The following PDIA6 variants were observed in gnomAD, a reference collection of about 807,000 sequenced individuals.
PDIA6 encodes the protein protein disulfide isomerase family A member 6.
A neutral mutation model predicts 58.4 loss-of-function variants in PDIA6; 29 were observed. That is an observed-to-expected ratio of 0.50 (90% CI 0.37 to 0.68). PDIA6 has a LOEUF of 0.68. PDIA6 is among the 30% of genes least tolerant of loss of function. The pLI, the probability that PDIA6 is intolerant of heterozygous loss-of-function variation, is 0.00. For synonymous variants in PDIA6, 192 were observed against 202.6 expected (o/e 0.95, Z 0.44); for missense variants, 480 against 551.0 (o/e 0.87, Z 1.29).
Position 10,783,479 on chromosome 2 carries a change from T to TGAATGTTTTACATAAATGC in PDIA6, c.*760_*778dup, listed in dbSNP as rs1239092485. 3 of 468,920 alleles carry TGAATGTTTTACATAAATGC rather than the reference T, an allele frequency of 6.4e-6. No homozygotes were observed. The highest frequency in any genetic ancestry group is 5.9e-5 in the African/African-American group (3 of 50,432). 29.0% of individuals were successfully genotyped at this position (468,920 alleles called of 1,614,324 possible). ...CCAACAAATTCAAAACTTCATTTTC[T>TGAATGTTTTACATAAATGC]GAATGTTTTACATAAATGCGAACTA... is the stretch of plus-strand genomic sequence containing the variant. On this transcript the variant is annotated 3_prime_UTR_variant, in exon 13 of 13. Transcript: ENST00000272227.
chr2:10,821,770 A>G (rs1686496), intron 1 of PDIA6, among the ~76,000 whole-genome samples: 92,464 of 151,382 alleles, frequency 0.61, 28,703 homozygotes, highest in East Asian at 0.8. Context: ...GACCACAGGC[A>G]CATGCTGCTA....
At position 10,784,911 on chromosome 2, in the gene PDIA6, C is replaced by G. The variant is rs750813976; in HGVS notation, c.1254+23G>C. 5.0e-5 allele frequency: 75 copies of G among 1,503,010 alleles called. 1 individual carries two copies. In the Middle Eastern group the frequency reaches 8.5e-4, roughly 17 times the overall value. 93.1% of individuals were successfully genotyped at this position (1,503,010 alleles called of 1,614,324 possible). ...GAGTAAACCAGGACTGCTGCCCGCACAGCTTCCCTCCCGGGCACTCACCTC... is the reference window on the plus strand; with the variant it reads ...GAGTAAACCAGGACTGCTGCCCGCAGAGCTTCCCTCCCGGGCACTCACCTC... On this transcript the variant is annotated intron_variant, in intron 12 of 12. Transcript: ENST00000272227.
chr2:10,794,875 C>T (rs1390418239), intron 4 of PDIA6, among the ~76,000 whole-genome samples: 2 of 151,624 alleles, frequency 1.3e-5, no homozygotes, highest in East Asian at 2.0e-4. Flanking sequence ...TGCAGTGAGC[C>T]GAGATAGCAC....
At chr2:10,808,990 G>C (rs1240714509) in intron 1 of PDIA6, among the ~76,000 whole-genome samples, 1 of 152,108 alleles carries the variant, frequency 6.6e-6, no homozygotes, top group Non-Finnish European at 1.5e-5. Flanking sequence ...TTGTATTTTA[G>C]TAGAGATGGG....
At position 10,826,302 on chromosome 2, in the gene PDIA6, G is replaced by A. The variant is rs143179360; in HGVS notation, c.-48+5900C>T. ...CAGAAAGTAGGTTTGTGGCTGTCTAGGGCTGGGAGTTGGGAGAGGACAGTT... is the reference window on the plus strand; with the variant it reads ...CAGAAAGTAGGTTTGTGGCTGTCTAAGGCTGGGAGTTGGGAGAGGACAGTT... On this transcript the variant is annotated intron_variant, in intron 1 of 13. Transcript: ENST00000381611. 2.6e-3 allele frequency among the ~76,000 whole-genome samples: 393 copies of A among 152,316 alleles called. 2 individuals are homozygous for A. Among genetic ancestry groups the A allele is most frequent in the Non-Finnish European group, 3.2e-3 (221 of 68,030 alleles).
intron 11 of PDIA6, among the ~76,000 whole-genome samples, chr2:10,786,025 A>G (rs1665719525): frequency 6.6e-6 from 1 of 152,060 alleles, no homozygotes; most frequent in Non-Finnish European, 1.5e-5. Flanking sequence ...CACAAACTTA[A>G]TGAAAACACC....
chr2:10,806,763 A>C (rs2148559440), intron 1 of PDIA6, among the ~76,000 whole-genome samples: 1 of 152,166 alleles, frequency 6.6e-6, no homozygotes, highest in African/African-American at 2.4e-5. Context: ...GTACTATTTT[A>C]ATCTTTTATA....
In PDIA6 at chr2:10,788,990, C is replaced by T; in HGVS notation, c.841-9G>A. 6.2e-7 allele frequency: 1 copy of T among 1,611,270 alleles called. No homozygotes were observed. The highest frequency in any genetic ancestry group is 8.5e-7 in the Non-Finnish European group (1 of 1,177,408). On this transcript the variant is annotated splice_polypyrimidine_tract_variant and intron_variant, in intron 8 of 12. Coordinates refer to ENST00000272227, the MANE Select transcript of PDIA6 (RefSeq NM_005742.4). ...ATGTCCTCGTTGATAATCTGTGGGA[C>T]CCAAAAGACAAGGGACAATCAGGAG... is the stretch of plus-strand genomic sequence containing the variant.
chr2:10,784,364 AG>A, intron 12 of PDIA6, 38 bp from the exon 13 acceptor site: 2 of 1,541,776 alleles, frequency 1.3e-6, no homozygotes, highest in Non-Finnish European at 1.8e-6. Flanking sequence ...GATCTGCAGA[AG>A]GGGACACCCT....
At chr2:10,834,979 G>A (rs964017369), upstream of PDIA6, among the ~76,000 whole-genome samples, 4 of 152,036 alleles carry the variant, frequency 2.6e-5, 1 homozygote, top group South Asian at 6.2e-4. Flanking sequence ...TGTTGGCCAG[G>A]CTGGTCTCGA....
chr2:10,812,385 G>T (rs959257464), intron 1 of PDIA6, among the ~76,000 whole-genome samples: 1 of 136,968 alleles, frequency 7.3e-6, no homozygotes, highest in Non-Finnish European at 1.7e-5. Context: ...GCCGGGGCTG[G>T]GCTCCGCGGC....
At chr2:10,833,475 C>A (rs1572714253), upstream of PDIA6, among the ~76,000 whole-genome samples, 2 of 152,292 alleles carry the variant, frequency 1.3e-5, no homozygotes, top group East Asian at 3.9e-4. Context: ...GGGTAATAAG[C>A]CTCACAGCCA....
chr2:10,820,822 GTC>G, intron 1 of PDIA6: 1 of 703,012 alleles, frequency 1.4e-6, no homozygotes, highest in Non-Finnish European at 2.6e-6. Flanking sequence ...GGGGCCAGTG[GTC>G]GGCACACCCA....
chr2:10,807,708 T>G (rs952625001), intron 1 of PDIA6, among the ~76,000 whole-genome samples: 1 of 152,232 alleles, frequency 6.6e-6, no homozygotes, highest in Non-Finnish European at 1.5e-5. Context: ...TGGACCTTTT[T>G]GGAATAACTA....
rs562745251 is a variant in PDIA6, at chr2:10,789,113, G to T, written c.841-132C>A. 4 of 682,362 alleles carry T rather than the reference G, an allele frequency of 5.9e-6. No homozygotes were observed. The South Asian group carries it at 6.6e-5, about 11-fold the overall frequency. The allele number at this position is 682,362 out of a possible 1,614,324, so 42.3% of individuals were successfully genotyped here. ...TCTCCCACGACTACTTCCTCGTATGGAAACACCTGGAGGCATGTTCTCTAA... is the reference window on the plus strand; with the variant it reads ...TCTCCCACGACTACTTCCTCGTATGTAAACACCTGGAGGCATGTTCTCTAA... On this transcript the variant is annotated intron_variant, in intron 8 of 12. Coordinates refer to ENST00000272227, the MANE Select transcript of PDIA6 (RefSeq NM_005742.4).
At chr2:10,816,392 AT>A (rs11457276), upstream of PDIA6, among the ~76,000 whole-genome samples, 1 of 144,702 alleles carries the variant, frequency 6.9e-6, no homozygotes, top group Non-Finnish European at 1.5e-5. Context: ...GGCCTGTATC[AT>A]TTTTTTTTTT....
chr2:10,806,626 G>GAGA, intron 1 of PDIA6, among the ~76,000 whole-genome samples: 1 of 142,960 alleles, frequency 7.0e-6, no homozygotes, highest in Non-Finnish European at 1.6e-5. Flanking sequence ...AAAAAATAAA[G>GAGA]ACAGAAAGAA....
intron 2 of PDIA6, among the ~76,000 whole-genome samples, chr2:10,818,725 G>A (rs1667295069): frequency 6.7e-6 from 1 of 148,708 alleles, no homozygotes; most frequent in Non-Finnish European, 1.5e-5. Context: ...GGTTTGCCAT[G>A]TTGGTCAGGC....
chr2:10,783,504 A>G lies in PDIA6; in HGVS notation c.*754T>C. ...TGAATGTTTTACATAAATGCGAACT[A>G]CCTGTTCGCATTGGTAACCTGCTGC... On this transcript the variant is annotated 3_prime_UTR_variant, in exon 13 of 13. Transcript: ENST00000272227. 1 of 401,834 alleles carries G rather than the reference A, an allele frequency of 2.5e-6. No homozygotes were observed. Among genetic ancestry groups the G allele is most frequent in the South Asian group, 2.8e-5 (1 of 36,058 alleles). 24.9% of individuals were successfully genotyped at this position (401,834 alleles called of 1,614,324 possible). A position where few individuals can be genotyped will look rare whatever the true frequency, so the allele number is the denominator to read the frequency against.
Sources: gnomAD v4.1 joint callset for allele counts (sites outside exome capture counted in the v4.1 genomes callset) on GRCh38, gnomAD v4.1.1 for gene constraint, MANE v1.5 for transcripts, NCBI Gene and HGNC (gene_info 2026-07-23, HGNC 2026-07-21) for gene names.